The following RAP1GAP2 variants were observed in gnomAD, a reference collection of about 807,000 sequenced individuals.
The protein encoded by RAP1GAP2 is rap1 GTPase-activating protein 2.
RAP1GAP2 carries 27 observed loss-of-function variants against 95.0 expected under a neutral mutation model. The ratio of observed to expected loss-of-function variants is 0.28; its 90% CI spans 0.21 to 0.39. RAP1GAP2 has a LOEUF of 0.39. RAP1GAP2 is among the 10% of genes least tolerant of loss of function. The pLI, the probability that RAP1GAP2 is intolerant of heterozygous loss-of-function variation, is 1.00. For synonymous variants in RAP1GAP2, 373 were observed against 380.9 expected, an observed-to-expected ratio of 0.98 and a Z score of 0.24; for missense variants, 771 against 970.0, an observed-to-expected ratio of 0.79 and a Z score of 2.72.
At chr17:2,956,517 C>G (rs1341274349) in intron 3 of RAP1GAP2, among the ~76,000 whole-genome samples, 1 of 152,204 alleles carries the variant, frequency 6.6e-6, no homozygotes. Flanking sequence ...CCACCTCTGC[C>G]TGAAGAAGAA....
At chr17:2,829,150 T>C (rs957880528) in intron 2 of RAP1GAP2, among the ~76,000 whole-genome samples, 2 of 151,898 alleles carry the variant, frequency 1.3e-5, no homozygotes, top group African/African-American at 4.8e-5. Context: ...GCCCGGCTAA[T>C]TTTTTGTATT....
At chr17:2,814,707 C>A (rs1015182443) in intron 2 of RAP1GAP2, among the ~76,000 whole-genome samples, 4 of 152,196 alleles carry the variant, frequency 2.6e-5, no homozygotes, top group African/African-American at 7.2e-5. Context: ...GAGCTGTGAA[C>A]CAGTAGGTTA....
intron 17 of RAP1GAP2, among the ~76,000 whole-genome samples, chr17:3,013,443 G>C (rs1490865532): frequency 2.0e-5 from 3 of 152,098 alleles, no homozygotes; most frequent in Non-Finnish European, 4.4e-5. Flanking sequence ...GTCTCTTGGA[G>C]CAGAGTTGGC....
intron 2 of RAP1GAP2, among the ~76,000 whole-genome samples, chr17:2,872,694 A>AT (rs951035603): frequency 2.6e-4 from 38 of 148,104 alleles, no homozygotes; most frequent in African/African-American, 3.7e-4. Context: ...TTCTCCCTAG[A>AT]TTTTTTTTTT....
At chr17:3,014,836 C>T (rs925264532) in intron 17 of RAP1GAP2, among the ~76,000 whole-genome samples, 12 of 152,104 alleles carry the variant, frequency 7.9e-5, no homozygotes, top group African/African-American at 2.4e-4. Context: ...GGATTACAGG[C>T]GTGAGCCATC....
upstream of RAP1GAP2, among the ~76,000 whole-genome samples, chr17:2,792,044 G>A (rs1224085207): frequency 6.6e-6 from 1 of 152,050 alleles, no homozygotes; most frequent in African/African-American, 2.4e-5. Context: ...GTTTTTAGTA[G>A]AGGTGGGGTT....
At chr17:2,908,694 G>A (rs1441301796) in intron 3 of RAP1GAP2, among the ~76,000 whole-genome samples, 1 of 151,988 alleles carries the variant, frequency 6.6e-6, no homozygotes, top group Non-Finnish European at 1.5e-5. Flanking sequence ...GGAGGATTAG[G>A]ATTCAATTCT....
At position 2,825,638 on chromosome 17, in the gene RAP1GAP2, C is replaced by G. The variant is rs373451022; in HGVS notation, c.80+25088C>G. On this transcript the variant is annotated intron_variant, in intron 2 of 24. Transcript: ENST00000254695. The surrounding 1 kb of genome is among the most constrained non-coding windows in gnomAD (Gnocchi z 4.1). Reference sequence around the variant, plus strand: ...TCCGGAAAGTGAAGATAAGGAGCGTCCCTGTCTCACAGGGATGTTTGAGGA... The same window carrying G: ...TCCGGAAAGTGAAGATAAGGAGCGTGCCTGTCTCACAGGGATGTTTGAGGA... Among the ~76,000 whole-genome samples the G allele has an allele frequency of 4.3e-4, 66 of 152,198 alleles. 1 individual carries two copies. The East Asian group carries it at 0.01, about 24-fold the overall frequency.
At chr17:2,830,072 A>C (rs2070759563) in intron 2 of RAP1GAP2, among the ~76,000 whole-genome samples, 1 of 152,154 alleles carries the variant, frequency 6.6e-6, no homozygotes, top group South Asian at 2.1e-4. Flanking sequence ...TGTACAATAC[A>C]TTATTGTTGA....
intron 1 of RAP1GAP2, among the ~76,000 whole-genome samples, chr17:2,760,630 C>T (rs1486591155): frequency 1.3e-5 from 2 of 151,486 alleles, no homozygotes; most frequent in East Asian, 2.0e-4. Context: ...CGTGAGCCAC[C>T]GCGCCTGGCC....
intron 8 of RAP1GAP2, among the ~76,000 whole-genome samples, chr17:2,974,887 A>G (rs57117939): frequency 0.19 from 29,002 of 152,228 alleles, 3,240 homozygotes; most frequent in East Asian, 0.36. Context: ...AGGAAGAGAA[A>G]AAAAGGAAAG....
At chr17:2,757,927 T>G (rs1340865714) in intron 1 of RAP1GAP2, among the ~76,000 whole-genome samples, 2 of 150,954 alleles carry the variant, frequency 1.3e-5, no homozygotes, top group African/African-American at 2.4e-5. Context: ...TGGAGTGGAG[T>G]GGCGCGATCT....
chr17:2,864,270 G>A (rs2072533518), intron 2 of RAP1GAP2, among the ~76,000 whole-genome samples: 1 of 152,186 alleles, frequency 6.6e-6, no homozygotes, highest in Non-Finnish European at 1.5e-5. Flanking sequence ...CCTAGGTGCT[G>A]AGGACGCAGC....
chr17:2,931,480 C>A (rs1266594016), intron 3 of RAP1GAP2, among the ~76,000 whole-genome samples: 2 of 152,214 alleles, frequency 1.3e-5, no homozygotes, highest in African/African-American at 4.8e-5. Flanking sequence ...AGCCCATTGT[C>A]CCTACCCTAA....
chr17:2,803,730 T>C (rs2069396686), intron 2 of RAP1GAP2, among the ~76,000 whole-genome samples: 1 of 152,018 alleles, frequency 6.6e-6, no homozygotes. Context: ...AATACAAAAA[T>C]TAGCCCAGTG....
intron 2 of RAP1GAP2, among the ~76,000 whole-genome samples, chr17:2,893,272 C>A (rs1431887794): frequency 2.0e-5 from 3 of 152,102 alleles, no homozygotes; most frequent in African/African-American, 7.2e-5. Context: ...AACTCCTGAC[C>A]TCAGGTGATC....
intron 2 of RAP1GAP2, among the ~76,000 whole-genome samples, chr17:2,808,926 T>C (rs557440189): frequency 1.3e-5 from 2 of 152,256 alleles, no homozygotes; most frequent in East Asian, 3.9e-4. Flanking sequence ...CGAGTTCCTA[T>C]GGTAACCATG....
chr17:3,006,719 C>T (rs544535172), intron 16 of RAP1GAP2, among the ~76,000 whole-genome samples: 8 of 152,280 alleles, frequency 5.3e-5, no homozygotes, highest in African/African-American at 1.9e-4. Context: ...AGGCGTGAGC[C>T]ACTGCGCCTG....
At chr17:2,806,572 T>C (rs2069529635) in intron 2 of RAP1GAP2, among the ~76,000 whole-genome samples, 1 of 151,088 alleles carries the variant, frequency 6.6e-6, no homozygotes, top group Admixed American at 6.6e-5. Context: ...TTTGTATTTT[T>C]TTTTAGTAGA....
Sources: gnomAD v4.1 joint callset for allele counts (sites outside exome capture counted in the v4.1 genomes callset) on GRCh38, gnomAD v4.1.1 for gene constraint, Gnocchi (gnomAD v3.1) non-coding constraint, MANE v1.5 for transcripts, NCBI Gene and HGNC (gene_info 2026-07-23, HGNC 2026-07-21) for gene names.